The following DPP4 variants were observed in gnomAD, a reference collection of about 807,000 sequenced individuals.
The protein encoded by DPP4 is ADCP-2.
A neutral mutation model predicts 122.4 loss-of-function variants in DPP4; 93 were observed. The observed-to-expected ratio is 0.76, with a 90% confidence interval of 0.64 to 0.90. The LOEUF (loss-of-function observed/expected upper bound fraction) is 0.90, where lower values mean the gene tolerates loss of function less well. Among genes scored for constraint, DPP4 ranks in the 40% least tolerant of loss-of-function variants. The pLI is 0.00. For synonymous variants in DPP4, 321 were observed against 302.9 expected (o/e 1.06, Z -0.62); for missense variants, 914 against 907.3 (o/e 1.01, Z -0.09).
intron 24 of DPP4, 82 bp from the exon 25 acceptor site, chr2:161,995,116 G>A: frequency 2.0e-6 from 3 of 1,486,176 alleles, no homozygotes; most frequent in Non-Finnish European, 2.8e-6. Context: ...GGCACAAGAA[G>A]AAAGGGACTG....
rs774742870 is a variant in DPP4, at chr2:161,993,259, T to C, written c.*24A>G. On this transcript the variant is annotated 3_prime_UTR_variant, in exon 26 of 26. Coordinates refer to ENST00000360534, the MANE Select transcript of DPP4 (RefSeq NM_001935.4). ...AACAAAAATGAGTTTTAATAAGCTT[T>C]AAATGGCATGGTATTTTGAGGTGCT... The C allele has an allele frequency of 3.2e-6, 5 of 1,562,464 alleles. No homozygotes were observed. In the African/African-American group the frequency reaches 5.4e-5, roughly 17 times the overall value.
intron 16 of DPP4, 144 bp from the exon 17 acceptor site, chr2:162,017,299 T>A: frequency 1.5e-6 from 1 of 668,972 alleles, no homozygotes; most frequent in South Asian, 2.3e-5. Flanking sequence ...GTTTAATACA[T>A]GTTAGCTGTT....
rs1684985816 is a variant in DPP4 at position 162,067,454 on chromosome 2, T to A, written c.94+5945A>T. ...GGCTCCTAGAGTGCCATGAATAAAA[T>A]CTCTAGTGGCTTTGGCTCTGCCTTA... On this transcript the variant is annotated intron_variant, in intron 2 of 25. Coordinates refer to ENST00000360534, the MANE Select transcript of DPP4 (RefSeq NM_001935.4). Among the ~76,000 whole-genome samples, 3 of 152,078 alleles carry A rather than the reference T, an allele frequency of 2.0e-5. No homozygotes were observed. The South Asian group carries it at 6.2e-4, about 32-fold the overall frequency.
intron 2 of DPP4, among the ~76,000 whole-genome samples, chr2:162,070,792 G>A (rs1268986727): frequency 1.3e-5 from 2 of 152,204 alleles, no homozygotes; most frequent in Non-Finnish European, 2.9e-5. Flanking sequence ...TGATAAGGCA[G>A]AAGTGTTAAC....
intron 20 of DPP4, 70 bp downstream of exon 20, chr2:162,011,723 G>T: frequency 6.8e-7 from 1 of 1,480,230 alleles, no homozygotes; most frequent in Non-Finnish European, 9.3e-7. Context: ...ACACTTTACA[G>T]CTTTAAAATG....
intron 23 of DPP4, among the ~76,000 whole-genome samples, chr2:162,004,011 G>T (rs1349305804): frequency 6.6e-6 from 1 of 152,080 alleles, no homozygotes; most frequent in Non-Finnish European, 1.5e-5. Context: ...TTTCTGAATG[G>T]GTGGAGATGG....
intron 10 of DPP4, among the ~76,000 whole-genome samples, chr2:162,031,140 G>A (rs1326430399): frequency 6.6e-6 from 1 of 152,204 alleles, no homozygotes; most frequent in Non-Finnish European, 1.5e-5. Flanking sequence ...GCAGGCATAG[G>A]CCTTGGTCCT....
At chr2:162,065,459 A>G (rs755320621) in intron 2 of DPP4, among the ~76,000 whole-genome samples, 3 of 152,326 alleles carry the variant, frequency 2.0e-5, no homozygotes, top group Admixed American at 6.5e-5. Flanking sequence ...ACATTAACAA[A>G]CCCAAGAACC....
intron 2 of DPP4, among the ~76,000 whole-genome samples, chr2:162,062,432 A>C (rs1267350695): frequency 6.6e-6 from 1 of 152,218 alleles, no homozygotes; most frequent in Non-Finnish European, 1.5e-5. Flanking sequence ...AGTCCAGCCC[A>C]TTTTGCTGAG....
At chr2:162,004,461 T>C (rs1701231093) in intron 23 of DPP4, among the ~76,000 whole-genome samples, 3 of 152,138 alleles carry the variant, frequency 2.0e-5, no homozygotes, top group Non-Finnish European at 4.4e-5. Context: ...TGGGACTGTT[T>C]TGCAGGGGTA....
At chr2:162,020,205 C>T (rs768884105) in intron 14 of DPP4, 24 bp downstream of exon 14, 2 of 1,592,458 alleles carry the variant, frequency 1.3e-6, no homozygotes, top group East Asian at 2.2e-5. Context: ...AGGTTTATAT[C>T]CTATCAATTG....
chr2:162,066,368 G>C (rs1483005698), intron 2 of DPP4, among the ~76,000 whole-genome samples: 1 of 152,030 alleles, frequency 6.6e-6, no homozygotes, highest in Non-Finnish European at 1.5e-5. Flanking sequence ...AAGAGTCAGA[G>C]GCATATTTTT....
intron 18 of DPP4, among the ~76,000 whole-genome samples, chr2:162,015,350 T>A (rs1208600742): frequency 6.6e-6 from 1 of 152,230 alleles, no homozygotes; most frequent in African/African-American, 2.4e-5. Context: ...AGATTTATCT[T>A]CAATTTATAT....
intron 20 of DPP4, 81 bp from the exon 21 acceptor site, chr2:162,009,376 G>T: frequency 1.6e-6 from 2 of 1,279,200 alleles, no homozygotes; most frequent in Non-Finnish European, 2.3e-6. Context: ...GTGAAACCCT[G>T]CCATTTGTTC....
chr2:162,038,204 T>A, intron 8 of DPP4, 98 bp downstream of exon 8: 1 of 1,197,402 alleles, frequency 8.4e-7, no homozygotes. Flanking sequence ...ATGAAACTTT[T>A]TTTCAATCTC....
intron 12 of DPP4, 91 bp from the exon 13 acceptor site, chr2:162,020,779 C>T (rs1029714055): frequency 2.0e-5 from 15 of 756,166 alleles, no homozygotes; most frequent in Middle Eastern, 2.5e-4. Context: ...CCAATACCTA[C>T]GCTCAAAAAT....
intron 5 of DPP4, among the ~76,000 whole-genome samples, chr2:162,045,097 G>A (rs1684126661): frequency 6.6e-6 from 1 of 151,658 alleles, no homozygotes; most frequent in South Asian, 2.1e-4. Context: ...TAAGTAGCTG[G>A]GACTATAGGT....
chr2:162,072,379 A>G (rs950514646), intron 2 of DPP4, among the ~76,000 whole-genome samples: 3 of 152,250 alleles, frequency 2.0e-5, no homozygotes, highest in Non-Finnish European at 2.9e-5. Context: ...TTCAAATTTC[A>G]TTAGCAGTAG....
At chr2:162,068,995 T>G (rs1297997597) in intron 2 of DPP4, among the ~76,000 whole-genome samples, 4 of 152,148 alleles carry the variant, frequency 2.6e-5, no homozygotes, top group African/African-American at 9.7e-5. Flanking sequence ...TCAGATAACA[T>G]CTTGATTGCA....
Sources: gnomAD v4.1 joint callset for allele counts (sites outside exome capture counted in the v4.1 genomes callset) on GRCh38, gnomAD v4.1.1 for gene constraint, MANE v1.5 for transcripts, NCBI Gene and HGNC (gene_info 2026-07-23, HGNC 2026-07-21) for gene names.